The following CTNNA3 variants were observed in gnomAD, a reference collection of about 807,000 sequenced individuals.
The protein encoded by CTNNA3 is catenin alpha 3, also known as catenin alpha-3.
Under a neutral mutation model 95.7 loss-of-function variants are expected in CTNNA3, and 76 were observed. The observed-to-expected ratio is 0.79, with a 90% CI of 0.66 to 0.96. CTNNA3 has a LOEUF of 0.96. Among genes scored for constraint, CTNNA3 ranks in the 40% least tolerant of loss-of-function variants. The pLI, the probability that CTNNA3 is intolerant of heterozygous loss-of-function variation, is 0.00. For synonymous variants in CTNNA3, 431 were observed against 374.4 expected, an observed-to-expected ratio of 1.15 and a Z score of -1.74; for missense variants, 1,191 against 1,089.8, an observed-to-expected ratio of 1.09 and a Z score of -1.31.
At chr10:67,694,991 A>G (rs529273540) in intron 1 of CTNNA3, among the ~76,000 whole-genome samples, 1 of 152,302 alleles carries the variant, frequency 6.6e-6, no homozygotes, top group East Asian at 1.9e-4. Context: ...CTATGGTTCT[A>G]CTGAGATAAT....
chr10:67,722,429 T>C (rs527683692), intron 1 of CTNNA3, among the ~76,000 whole-genome samples: 1 of 152,292 alleles, frequency 6.6e-6, no homozygotes, highest in East Asian at 1.9e-4. Flanking sequence ...CTCCTTGAAT[T>C]TTAACAGATA....
chr10:66,611,627 C>A (rs1432580024), intron 10 of CTNNA3, among the ~76,000 whole-genome samples: 1 of 152,088 alleles, frequency 6.6e-6, no homozygotes, highest in East Asian at 1.9e-4. Flanking sequence ...TGAAACTATT[C>A]TTTGGTTAAG....
intron 9 of CTNNA3, among the ~76,000 whole-genome samples, chr10:66,701,216 C>T (rs1847932361): frequency 6.6e-6 from 1 of 152,120 alleles, no homozygotes; most frequent in Non-Finnish European, 1.5e-5. Context: ...TTCTATTGAT[C>T]TATTTTTCTG....
chr10:66,996,718 C>A (rs982933636), intron 7 of CTNNA3, among the ~76,000 whole-genome samples: 1 of 147,022 alleles, frequency 6.8e-6, no homozygotes, highest in Non-Finnish European at 1.5e-5. Context: ...TTAATTAGCG[C>A]CTATGCAGTT....
intron 3 of CTNNA3, among the ~76,000 whole-genome samples, chr10:67,555,330 T>C (rs922232950): frequency 6.6e-6 from 1 of 152,212 alleles, no homozygotes; most frequent in African/African-American, 2.4e-5. Flanking sequence ...ATTGAATCTA[T>C]AAATTACCTT....
chr10:66,539,088 C>A lies in CTNNA3; in HGVS notation c.1375-18315G>T, dbSNP rs1454478861. 2.6e-5 allele frequency among the ~76,000 whole-genome samples: 4 copies of A among 152,010 alleles called. No homozygotes were observed. In the East Asian group the frequency reaches 7.7e-4, roughly 29 times the overall value. ...TAGAGTTGTTTAAAACCTTGTTGTT[C>A]AAAGTGTCATCTGCTGACTAATACG... On this transcript the variant is annotated intron_variant, in intron 10 of 17. Transcript: ENST00000433211.
intron 10 of CTNNA3, among the ~76,000 whole-genome samples, chr10:66,530,603 T>C (rs1451148107): frequency 6.6e-6 from 1 of 152,218 alleles, no homozygotes; most frequent in Non-Finnish European, 1.5e-5. Flanking sequence ...GAACTTTATG[T>C]TAAATGATAA....
At chr10:67,626,551 T>G (rs535396910) in intron 2 of CTNNA3, among the ~76,000 whole-genome samples, 1 of 152,304 alleles carries the variant, frequency 6.6e-6, no homozygotes, top group South Asian at 2.1e-4. Context: ...CTGATACACA[T>G]GAAGGGATCT....
intron 3 of CTNNA3, among the ~76,000 whole-genome samples, chr10:67,601,636 A>G (rs987025222): frequency 2.6e-5 from 4 of 152,206 alleles, no homozygotes; most frequent in African/African-American, 9.6e-5. Context: ...CAAAACATGT[A>G]ATCTAGACAT....
intron 7 of CTNNA3, among the ~76,000 whole-genome samples, chr10:66,964,277 CT>C (rs566704978): frequency 0.029 from 4,043 of 139,978 alleles, 149 homozygotes; most frequent in African/African-American, 0.093. Context: ...AAGAGCAGGT[CT>C]TTTTTTTTTT....
intron 15 of CTNNA3, among the ~76,000 whole-genome samples, chr10:66,017,947 G>T (rs2079126501): frequency 6.6e-6 from 1 of 151,922 alleles, no homozygotes; most frequent in Middle Eastern, 3.4e-3. Flanking sequence ...ATTCAATTTT[G>T]TTATCATAGT....
intron 7 of CTNNA3, among the ~76,000 whole-genome samples, chr10:66,931,624 T>C (rs139722866): frequency 2.4e-3 from 359 of 152,334 alleles, no homozygotes; most frequent in African/African-American, 8.1e-3. Flanking sequence ...TATGTAAACG[T>C]GGTTTACAAC....
chr10:66,106,345 G>GTGTT (rs923434074), intron 13 of CTNNA3, among the ~76,000 whole-genome samples: 1 of 49,230 alleles, frequency 2.0e-5, no homozygotes, highest in African/African-American at 6.1e-5. Context: ...GTTTGTGTGT[G>GTGTT]TGTGTGTGTG....
intron 5 of CTNNA3, among the ~76,000 whole-genome samples, chr10:67,516,346 T>C (rs1181027063): frequency 2.0e-5 from 3 of 152,224 alleles, no homozygotes; most frequent in Non-Finnish European, 4.4e-5. Flanking sequence ...AGTCCTTACA[T>C]GATTGAAGGA....
At chr10:66,211,992 T>G (rs917207166) in intron 13 of CTNNA3, among the ~76,000 whole-genome samples, 1 of 143,488 alleles carries the variant, frequency 7.0e-6, no homozygotes, top group Non-Finnish European at 1.5e-5. Flanking sequence ...GGTTTTTTTT[T>G]TTTTTTTTTT....
At chr10:66,993,694 GA>G (rs58941459) in intron 7 of CTNNA3, among the ~76,000 whole-genome samples, 35,698 of 141,948 alleles carry the variant, frequency 0.25, 4,376 homozygotes, top group South Asian at 0.4. Context: ...ATACATAAAT[GA>G]AAAAAAAAAA....
At chr10:66,234,991 C>T (rs1026065684) in intron 13 of CTNNA3, among the ~76,000 whole-genome samples, 4 of 152,214 alleles carry the variant, frequency 2.6e-5, no homozygotes, top group African/African-American at 9.6e-5. Flanking sequence ...CTCTGTCCAA[C>T]AATCAGTCTA....
intron 16 of CTNNA3, among the ~76,000 whole-genome samples, chr10:65,976,121 A>G (rs892500480): frequency 6.6e-6 from 1 of 152,098 alleles, no homozygotes; most frequent in African/African-American, 2.4e-5. Context: ...CTCGTGTTCA[A>G]ACATAATCTG....
intron 5 of CTNNA3, among the ~76,000 whole-genome samples, chr10:67,465,390 T>C (rs1847552490): frequency 6.6e-6 from 1 of 152,062 alleles, no homozygotes; most frequent in Non-Finnish European, 1.5e-5. Context: ...ATAAGAGAGT[T>C]TGTATATTCT....
Sources: allele counts gnomAD v4.1 joint callset (sites outside exome capture counted in the v4.1 genomes callset), GRCh38; gene constraint gnomAD v4.1.1; transcripts MANE v1.5; gene names NCBI Gene and HGNC (gene_info 2026-07-23, HGNC 2026-07-21).